Variants in GPR160 observed in about 807,000 individuals in gnomAD.
GPR160 encodes the protein probable G protein-coupled receptor 160.
GPR160 carries 2 observed loss-of-function variants against 2.6 expected under a neutral mutation model. The observed-to-expected ratio is 0.77, with a 90% CI of 0.32 to 2.44. The LOEUF is 2.44. GPR160 is among the 30% of genes most tolerant of loss of function. The pLI is 0.11. For missense variants in GPR160, 351 were observed against 383.6 expected (o/e 0.91, Z 0.71); for synonymous variants, 130 against 132.2 (o/e 0.98, Z 0.12).
In GPR160 at chr3:170,083,981, T is replaced by C. The variant is rs758898904; in HGVS notation, c.9T>C (p.Ala3=). 2.7e-6 allele frequency: 4 copies of C among 1,466,006 alleles called. No homozygotes were observed. Among genetic ancestry groups the C allele is most frequent in the Non-Finnish European group, 3.6e-6 (4 of 1,109,458 alleles). The allele number at this position is 1,466,006 out of a possible 1,614,324, so 90.8% of individuals were successfully genotyped here. ...GAAATTTAACTAAAAATATGACTGC[T>C]CTCTCTTCAGAGAACTGCTCTTTTC... MT[A]LSSENCSFQY... The change falls in exon 4 of 4, where the codon GCT becomes GCC. Residue 3 remains alanine (A), a synonymous_variant. Transcript: ENST00000355897.
chr3:170,082,207 C>A (rs1291637828), intron 3 of GPR160, among the ~76,000 whole-genome samples: 2 of 152,164 alleles, frequency 1.3e-5, no homozygotes, highest in South Asian at 2.1e-4. Context: ...TCTTACATGA[C>A]ATGTTGCTGC....
Position 170,042,290 on chromosome 3 carries a change from G to T in GPR160, c.-193+3247G>T, listed in dbSNP as rs556501216. 1.7e-3 allele frequency among the ~76,000 whole-genome samples: 261 copies of T among 151,752 alleles called. 3 individuals carry two copies. Among genetic ancestry groups the T allele is most frequent in the Middle Eastern group, 0.017 (5 of 294 alleles). On this transcript the variant is annotated intron_variant, in intron 2 of 3. Transcript: ENST00000355897. The stretch of plus-strand genomic sequence containing the variant: ...ATAAAAATTAGCCAGGTATGGTGGT[G>T]CACGCCTGTAGTCCCAGCTACTCAG...
intron 2 of GPR160, chr3:170,057,880 C>G (rs1711724255): frequency 6.6e-6 from 1 of 152,162 alleles, no homozygotes; most frequent in Admixed American, 6.5e-5. Context: ...GGGAAAGATA[C>G]AGCAATCGAA....
At chr3:170,052,115 G>A (rs769335647) in intron 2 of GPR160, among the ~76,000 whole-genome samples, 5 of 152,178 alleles carry the variant, frequency 3.3e-5, no homozygotes, top group South Asian at 2.1e-4. Context: ...TAGGAGAGAC[G>A]TGGTTTCACC....
chr3:170,047,295 C>CTCTTCT (rs1351121793), intron 2 of GPR160, among the ~76,000 whole-genome samples: 1 of 152,202 alleles, frequency 6.6e-6, no homozygotes, highest in Non-Finnish European at 1.5e-5. Context: ...GCAAGGTTTT[C>CTCTTCT]TCTTCTTCCT....
At chr3:170,054,598 GCACC>G (rs1406036147) in intron 2 of GPR160, among the ~76,000 whole-genome samples, 1 of 152,062 alleles carries the variant, frequency 6.6e-6, no homozygotes, top group Admixed American at 6.6e-5. Flanking sequence ...CTGAAAACCT[GCACC>G]CATTAAACAG....
At chr3:170,045,410 A>C (rs1012722843) in intron 2 of GPR160, among the ~76,000 whole-genome samples, 1 of 27,846 alleles carries the variant, frequency 3.6e-5, no homozygotes, top group Non-Finnish European at 6.6e-5. Flanking sequence ...TAAAAATACA[A>C]AAAAAAAAAA....
At chr3:170,059,113 G>A (rs1358382099) in intron 2 of GPR160, among the ~76,000 whole-genome samples, 2 of 152,036 alleles carry the variant, frequency 1.3e-5, no homozygotes, top group African/African-American at 4.8e-5. Context: ...AAATGATAGG[G>A]GGTGGGTGGA....
At chr3:170,061,871 ATGCGC>A (rs1711977481) in intron 2 of GPR160, among the ~76,000 whole-genome samples, 1 of 152,016 alleles carries the variant, frequency 6.6e-6, no homozygotes, top group Non-Finnish European at 1.5e-5. Flanking sequence ...TTTCAAGGCC[ATGCGC>A]AGTGGCTCCT....
At chr3:170,062,593 A>G in intron 2 of GPR160, 1 of 1,165,452 alleles carries the variant, frequency 8.6e-7, no homozygotes, top group South Asian at 1.3e-5. Context: ...CAAACCAAAA[A>G]TGTGAAGCAG....
intron 2 of GPR160, among the ~76,000 whole-genome samples, chr3:170,068,211 C>T (rs1712438619): frequency 6.6e-6 from 1 of 151,500 alleles, no homozygotes; most frequent in Admixed American, 6.6e-5. Flanking sequence ...GTGGTGTGAT[C>T]TCGGCTCACT....
intron 3 of GPR160, 42 bp from the exon 4 acceptor site, chr3:170,083,863 A>C (rs1713264476): frequency 1.8e-6 from 1 of 549,018 alleles, no homozygotes. Flanking sequence ...GTAAAGTTTC[A>C]AAATAGGTAA....
At chr3:170,073,173 G>A (rs1294828404) in intron 2 of GPR160, among the ~76,000 whole-genome samples, 3 of 151,364 alleles carry the variant, frequency 2.0e-5, no homozygotes, top group African/African-American at 7.3e-5. Flanking sequence ...GGGCAACAGA[G>A]CAAGATTCTC....
chr3:170,073,881 A>ATT (rs35575462), intron 2 of GPR160, among the ~76,000 whole-genome samples: 1,286 of 81,852 alleles, frequency 0.016, 11 homozygotes, highest in African/African-American at 0.024. Flanking sequence ...TTTAATAGGG[A>ATT]TTTTTTTTTT....
intron 2 of GPR160, among the ~76,000 whole-genome samples, chr3:170,054,034 A>G (rs973392185): frequency 6.6e-6 from 1 of 151,978 alleles, no homozygotes; most frequent in African/African-American, 2.4e-5. Context: ...GTTCAGGAAC[A>G]TGATTTAGAC....
intron 2 of GPR160, among the ~76,000 whole-genome samples, chr3:170,069,121 C>T (rs899327793): frequency 5.3e-5 from 8 of 152,186 alleles, no homozygotes; most frequent in East Asian, 3.8e-4. Context: ...CTCTGCCTAC[C>T]GTCCAAAGAT....
At chr3:170,066,281 C>T (rs1330883149) in intron 2 of GPR160, among the ~76,000 whole-genome samples, 1 of 151,594 alleles carries the variant, frequency 6.6e-6, no homozygotes, top group Non-Finnish European at 1.5e-5. Flanking sequence ...GCTGGGACTA[C>T]AGGCGCCCAT....
chr3:170,078,907 A>T (rs1436889158), intron 2 of GPR160, among the ~76,000 whole-genome samples: 1 of 152,128 alleles, frequency 6.6e-6, no homozygotes, highest in Non-Finnish European at 1.5e-5. Flanking sequence ...GGCTCTACAT[A>T]GCTTCCGGGG....
intron 2 of GPR160, among the ~76,000 whole-genome samples, chr3:170,040,589 G>A (rs369439837): frequency 6.6e-6 from 1 of 152,198 alleles, no homozygotes; most frequent in East Asian, 1.9e-4. Context: ...CTCCGGTCGG[G>A]CGGATTGTAT....
Sources: gnomAD v4.1 joint callset for allele counts (sites outside exome capture counted in the v4.1 genomes callset) on GRCh38, gnomAD v4.1.1 for gene constraint, MANE v1.5 for transcripts, NCBI Gene and HGNC (gene_info 2026-07-23, HGNC 2026-07-21) for gene names.